NEGR1: variants seen among roughly 807,000 people sequenced by gnomAD.
NEGR1 encodes IgLON family member 4.
NEGR1 carries 10 observed loss-of-function variants against 40.9 expected under a neutral mutation model. The observed-to-expected ratio is 0.24, with a 90% CI of 0.15 to 0.42. The LOEUF is 0.42. Among genes scored for constraint, NEGR1 ranks in the 10% least tolerant of loss-of-function variants. The pLI is 1.00. For synonymous variants in NEGR1, 185 were observed against 166.8 expected (o/e 1.11, Z -0.84); for missense variants, 352 against 438.9 (o/e 0.80, Z 1.77).
chr1:71,905,355 A>C (rs1001617441), intron 2 of NEGR1, among the ~76,000 whole-genome samples: 32 of 151,854 alleles, frequency 2.1e-4, no homozygotes, highest in African/African-American at 6.0e-4. Flanking sequence ...CTAATTTTAT[A>C]TTTTTCTAAT....
chr1:71,687,324 C>T (rs1653072493), intron 4 of NEGR1, among the ~76,000 whole-genome samples: 1 of 152,090 alleles, frequency 6.6e-6, no homozygotes, highest in African/African-American at 2.4e-5. Flanking sequence ...TGGAACACAC[C>T]CACAGTGCCC....
intron 6 of NEGR1, among the ~76,000 whole-genome samples, chr1:71,566,712 G>A (rs995695228): frequency 1.3e-5 from 2 of 152,236 alleles, no homozygotes; most frequent in African/African-American, 4.8e-5. Flanking sequence ...TGTCATTATA[G>A]ATAATACATG....
chr1:71,928,460 A>G (rs1276457535), intron 2 of NEGR1, among the ~76,000 whole-genome samples: 4 of 134,828 alleles, frequency 3.0e-5, no homozygotes, highest in African/African-American at 1.1e-4. Flanking sequence ...ATATATACAC[A>G]CATACTTATA....
intron 2 of NEGR1, among the ~76,000 whole-genome samples, chr1:71,853,860 C>T (rs562569791): frequency 2.0e-5 from 3 of 152,068 alleles, no homozygotes; most frequent in Admixed American, 2.0e-4. Context: ...ATTAGCATTG[C>T]TAGACGTCTG....
chr1:71,956,383 A>G (rs1380296774), intron 1 of NEGR1, among the ~76,000 whole-genome samples: 1 of 152,156 alleles, frequency 6.6e-6, no homozygotes, highest in Non-Finnish European at 1.5e-5. Context: ...AAATCATCAA[A>G]CCAAGAGAAC....
chr1:71,442,031 T>C (rs558827838), intron 6 of NEGR1, among the ~76,000 whole-genome samples: 1 of 152,296 alleles, frequency 6.6e-6, no homozygotes, highest in African/African-American at 2.4e-5. Context: ...TGTAAAATGA[T>C]ATTTAAAAAA....
chr1:72,275,789 G>T (rs1340623967), intron 1 of NEGR1, among the ~76,000 whole-genome samples: 1 of 152,078 alleles, frequency 6.6e-6, no homozygotes, highest in African/African-American at 2.4e-5. Flanking sequence ...AAACGAGAAG[G>T]TCACCACATC....
chr1:71,598,176 G>A (rs967590022), intron 5 of NEGR1, among the ~76,000 whole-genome samples: 3 of 152,122 alleles, frequency 2.0e-5, no homozygotes, highest in Non-Finnish European at 2.9e-5. Flanking sequence ...GGTACCCTCC[G>A]AAAGTAGCAA....
At chr1:71,845,288 T>C (rs533047607) in intron 2 of NEGR1, among the ~76,000 whole-genome samples, 16 of 152,232 alleles carry the variant, frequency 1.1e-4, no homozygotes, top group African/African-American at 3.6e-4. Context: ...TATGAAAGCA[T>C]AAATAGTAAC....
At chr1:71,801,296 T>G (rs1657546773) in intron 2 of NEGR1, among the ~76,000 whole-genome samples, 2 of 152,160 alleles carry the variant, frequency 1.3e-5, no homozygotes, top group African/African-American at 4.8e-5. Context: ...GACCTCCTTT[T>G]ATCTACATTA....
chr1:71,587,664 GCACA>G lies in NEGR1; in HGVS notation c.940+5149_940+5152del, dbSNP rs67250351. ...CACGAGTACACACACACACACACAT[GCACA>G]CACACACACACACACACACACAGAT... On this transcript the variant is annotated intron_variant, in intron 6 of 6. Coordinates refer to ENST00000357731, the MANE Select transcript of NEGR1 (RefSeq NM_173808.3). 2.4e-3 allele frequency among the ~76,000 whole-genome samples: 361 copies of G among 150,662 alleles called. 3 individuals are homozygous for G. The highest frequency in any genetic ancestry group is 3.6e-3 in the Non-Finnish European group (244 of 67,526).
chr1:71,557,295 T>A (rs1648284734), intron 6 of NEGR1, among the ~76,000 whole-genome samples: 1 of 151,540 alleles, frequency 6.6e-6, no homozygotes, highest in Non-Finnish European at 1.5e-5. Context: ...AGTTGGCATG[T>A]GAGGGCTTGG....
intron 1 of NEGR1, among the ~76,000 whole-genome samples, chr1:72,153,591 T>G (rs2100359826): frequency 6.6e-6 from 1 of 152,048 alleles, no homozygotes; most frequent in African/African-American, 2.4e-5. Flanking sequence ...TGATGATACA[T>G]GATAGAGTTA....
rs1454855025 is a variant in NEGR1, at chr1:71,648,841, T to C, written c.668-37695A>G. ...ACATGTCTCTCTCTGGCTTGTTCAT[T>C]ATATATCTCTGCTGTGTTCAATTTT... is the stretch of plus-strand genomic sequence containing the variant. On this transcript the variant is annotated intron_variant, in intron 4 of 6. Coordinates refer to ENST00000357731, the MANE Select transcript of NEGR1 (RefSeq NM_173808.3). Among the ~76,000 whole-genome samples the C allele has an allele frequency of 6.6e-5, 10 of 152,062 alleles. No homozygotes were observed. In the East Asian group the frequency reaches 1.9e-3, roughly 29 times the overall value.
intron 1 of NEGR1, among the ~76,000 whole-genome samples, chr1:72,012,918 G>GA (rs1646672229): frequency 6.8e-6 from 1 of 146,108 alleles, no homozygotes; most frequent in South Asian, 2.1e-4. Context: ...GTAGGGGCTA[G>GA]AAAAAACTTT....
chr1:71,980,377 A>G (rs1021886800), intron 1 of NEGR1, among the ~76,000 whole-genome samples: 3 of 152,186 alleles, frequency 2.0e-5, no homozygotes, highest in Non-Finnish European at 4.4e-5. Context: ...CAAATATTGT[A>G]CATTTTCCAT....
At chr1:71,556,110 C>A (rs886986264) in intron 6 of NEGR1, among the ~76,000 whole-genome samples, 1 of 151,220 alleles carries the variant, frequency 6.6e-6, no homozygotes, top group South Asian at 2.1e-4. Context: ...ATTTACTAGA[C>A]CTCTTCAAAT....
chr1:72,030,338 C>T (rs1646846336), intron 1 of NEGR1, among the ~76,000 whole-genome samples: 1 of 151,996 alleles, frequency 6.6e-6, no homozygotes, highest in Non-Finnish European at 1.5e-5. Flanking sequence ...TCTGGAGTAG[C>T]TGGGATTACA....
intron 4 of NEGR1, among the ~76,000 whole-genome samples, chr1:71,630,184 G>A (rs578186619): frequency 6.6e-6 from 1 of 151,938 alleles, no homozygotes; most frequent in Non-Finnish European, 1.5e-5. Context: ...AATCCAAAAT[G>A]TATTTAGGAG....
Sources: allele counts gnomAD v4.1 joint callset (sites outside exome capture counted in the v4.1 genomes callset), GRCh38; gene constraint gnomAD v4.1.1; transcripts MANE v1.5; gene names NCBI Gene and HGNC (gene_info 2026-07-23, HGNC 2026-07-21).